The following MAP6 variants were observed in gnomAD, a reference collection of about 807,000 sequenced individuals.
The protein encoded by MAP6 is microtubule-associated protein 6.
Under a neutral mutation model 42.4 loss-of-function variants are expected in MAP6, and 26 were observed. That is an observed-to-expected ratio of 0.61 (90% CI 0.45 to 0.85). MAP6 has a LOEUF of 0.85. MAP6 is among the 40% of genes least tolerant of loss of function. The pLI is 0.00. For synonymous variants in MAP6, 418 were observed against 443.8 expected (o/e 0.94, Z 0.73); for missense variants, 966 against 1,099.0 (o/e 0.88, Z 1.71).
At chr11:75,607,119 C>T in intron 2 of MAP6, 5 of 585,080 alleles carry the variant, frequency 8.5e-6, no homozygotes, top group Non-Finnish European at 1.1e-5. Flanking sequence ...ACCAATCGTC[C>T]TGGTTTGCCT....
At chr11:75,666,632 G>A (rs183575640) in intron 1 of MAP6, among the ~76,000 whole-genome samples, 2 of 152,222 alleles carry the variant, frequency 1.3e-5, no homozygotes, top group East Asian at 3.8e-4. Flanking sequence ...TGCTAGGCAC[G>A]AGCTGTTCTC....
chr11:75,614,308 C>A (rs11604296), intron 1 of MAP6, among the ~76,000 whole-genome samples: 2 of 152,154 alleles, frequency 1.3e-5, no homozygotes, highest in African/African-American at 4.8e-5. Flanking sequence ...ATATAACTTC[C>A]TACAATATGC....
At chr11:75,613,405 G>T (rs149709618) in intron 1 of MAP6, among the ~76,000 whole-genome samples, 74 of 152,194 alleles carry the variant, frequency 4.9e-4, no homozygotes, top group African/African-American at 1.7e-3. Context: ...TCACAAGAAA[G>T]CCCTTCCCTT....
intron 1 of MAP6, among the ~76,000 whole-genome samples, chr11:75,634,736 T>C (rs1204543483): frequency 6.6e-6 from 1 of 152,214 alleles, no homozygotes; most frequent in Admixed American, 6.5e-5. Context: ...TTGGCCTCTT[T>C]AGAAAACCAT....
chr11:75,629,000 G>A (rs1022126774), intron 1 of MAP6, among the ~76,000 whole-genome samples: 4 of 152,168 alleles, frequency 2.6e-5, no homozygotes, highest in African/African-American at 9.7e-5. Context: ...GGCTCTGTGA[G>A]GTAAAGAGAT....
chr11:75,607,351 G>C, intron 2 of MAP6: 1 of 985,384 alleles, frequency 1.0e-6, no homozygotes, highest in Non-Finnish European at 1.2e-6. Context: ...GAGGACAGTG[G>C]ATATTTGTAC....
chr11:75,659,457 G>A (rs1168552460), intron 1 of MAP6, among the ~76,000 whole-genome samples: 1 of 152,198 alleles, frequency 6.6e-6, no homozygotes, highest in Admixed American at 6.5e-5. Context: ...ACTCCAGCCT[G>A]GGCGATAGAG....
intron 1 of MAP6, among the ~76,000 whole-genome samples, chr11:75,618,739 T>C (rs1187426719): frequency 6.6e-6 from 1 of 152,184 alleles, no homozygotes; most frequent in Non-Finnish European, 1.5e-5. Context: ...CAGACCTCCA[T>C]CTGGTCCCTG....
rs142476331 is a variant in MAP6 at position 75,646,603 on chromosome 11, G to C, written c.905+20862C>G. On this transcript the variant is annotated intron_variant, in intron 1 of 3. Coordinates refer to ENST00000304771, the MANE Select transcript of MAP6 (RefSeq NM_033063.2). ...GCGGATCACCTGAGGTTGGGAGTTC[G>C]AGGCCAGCCTGACATGGAGAAATCC... Among the ~76,000 whole-genome samples the C allele has an allele frequency of 2.7e-3, 403 of 151,060 alleles. 2 individuals are homozygous for C. Among genetic ancestry groups the C allele is most frequent in the Non-Finnish European group, 4.7e-3 (321 of 67,876 alleles).
rs1444093153 is a variant in MAP6, at chr11:75,668,997, G to A, written c.-628C>T. The A allele has an allele frequency of 2.9e-5, 5 of 170,036 alleles. No homozygotes were observed. In the East Asian group the frequency reaches 5.5e-4, roughly 19 times the overall value. 10.5% of individuals were successfully genotyped at this position (170,036 alleles called of 1,614,324 possible). A position where few individuals can be genotyped will look rare whatever the true frequency, so the allele number is the denominator to read the frequency against. ...CAGCTCTCGGTCTCCGCCGCTGCCC[G>A]CGAATGATGCTGCAGCCGCTGCCGC... is the stretch of plus-strand genomic sequence containing the variant. On this transcript the variant is annotated 5_prime_UTR_variant, in exon 1 of 4. Transcript: ENST00000304771.
chr11:75,648,945 T>G (rs1202782172), intron 1 of MAP6, among the ~76,000 whole-genome samples: 1 of 152,234 alleles, frequency 6.6e-6, no homozygotes, highest in Non-Finnish European at 1.5e-5. Context: ...GGGGTACTTT[T>G]ATATACTATT....
intron 1 of MAP6, among the ~76,000 whole-genome samples, chr11:75,619,356 C>A (rs1019577058): frequency 2.6e-5 from 4 of 151,992 alleles, no homozygotes; most frequent in African/African-American, 4.8e-5. Context: ...CTGTACATAT[C>A]TTTTTTATTT....
intron 1 of MAP6, among the ~76,000 whole-genome samples, chr11:75,623,105 C>T (rs976414208): frequency 6.6e-6 from 1 of 151,996 alleles, no homozygotes; most frequent in Non-Finnish European, 1.5e-5. Context: ...CTTAAATGTC[C>T]ATCAACTAAT....
intron 1 of MAP6, among the ~76,000 whole-genome samples, chr11:75,621,753 G>A (rs915076381): frequency 6.6e-6 from 1 of 152,148 alleles, no homozygotes; most frequent in Admixed American, 6.5e-5. Context: ...AAAATACTCA[G>A]GAATTGACCG....
chr11:75,604,454 G>A (rs1049801632), intron 3 of MAP6: 12 of 985,316 alleles, frequency 1.2e-5, no homozygotes, highest in African/African-American at 1.7e-5. Flanking sequence ...GCTTGACACC[G>A]GACGGCAGCC....
chr11:75,656,644 T>C (rs1486305593), intron 1 of MAP6, among the ~76,000 whole-genome samples: 4 of 152,158 alleles, frequency 2.6e-5, no homozygotes, highest in Non-Finnish European at 1.5e-5. Context: ...CAGCATTCTT[T>C]TCTTCTCACC....
chr11:75,636,556 T>C (rs1943372783), intron 1 of MAP6, among the ~76,000 whole-genome samples: 1 of 152,182 alleles, frequency 6.6e-6, no homozygotes. Flanking sequence ...TAGCCAATTT[T>C]TAGAGATAGT....
At chr11:75,660,213 T>A (rs1297666592) in intron 1 of MAP6, among the ~76,000 whole-genome samples, 2 of 152,170 alleles carry the variant, frequency 1.3e-5, no homozygotes, top group African/African-American at 4.8e-5. Flanking sequence ...TTGGTTAATT[T>A]TCTCTACTCC....
At chr11:75,617,536 A>T (rs896034044) in intron 1 of MAP6, among the ~76,000 whole-genome samples, 2 of 150,658 alleles carry the variant, frequency 1.3e-5, no homozygotes, top group Non-Finnish European at 3.0e-5. Context: ...AAAAAAAAAA[A>T]AAAAACCCAA....
Sources: allele counts gnomAD v4.1 joint callset (sites outside exome capture counted in the v4.1 genomes callset), GRCh38; gene constraint gnomAD v4.1.1; transcripts MANE v1.5; gene names NCBI Gene and HGNC (gene_info 2026-07-23, HGNC 2026-07-21).